Variants in NHEJ1 observed in about 807,000 individuals in gnomAD.
NHEJ1 encodes the protein non-homologous end joining factor 1.
NHEJ1 carries 22 observed loss-of-function variants against 39.4 expected under a neutral mutation model. That is an observed-to-expected ratio of 0.56 (90% CI 0.40 to 0.80). The LOEUF (loss-of-function observed/expected upper bound fraction) is 0.80. Among genes scored for constraint, NHEJ1 ranks in the 30% least tolerant of loss-of-function variants. NHEJ1 has a pLI of 0.00. For missense variants in NHEJ1, 329 were observed against 357.1 expected (o/e 0.92, Z 0.63); for synonymous variants, 154 against 135.6 (o/e 1.14, Z -0.94).
At position 219,073,059 on chromosome 2, in the gene NHEJ1, G is replaced by A. The variant is rs931310142; in HGVS notation, c.*3322C>T. 1.3e-5 allele frequency among the ~76,000 whole-genome samples: 2 copies of A among 152,122 alleles called. No homozygotes were observed. The highest frequency in any genetic ancestry group is 2.9e-5 in the Non-Finnish European group (2 of 68,016). On this transcript the variant is annotated 3_prime_UTR_variant, in exon 8 of 8. Transcript: ENST00000356853. ...AAAGAAAAGGGAGTCCAAATGTACC[G>A]CTGGATAAAAACGAGCAGCAGTAGG...
At position 219,069,792 on chromosome 2, in the gene NHEJ1, G is replaced by T. The variant is rs1186748087; in HGVS notation, c.*6589C>A. ...GAGAATGGGCTATATTGCTGACCAG[G>T]AAGGGAGATATAGGAAGCCTATAAA... On this transcript the variant is annotated 3_prime_UTR_variant, in exon 8 of 8. Transcript: ENST00000356853. The T allele has an allele frequency of 3.3e-5, 5 of 152,234 alleles. No individual in the cohort carries two copies. The highest frequency in any genetic ancestry group is 7.3e-5 in the Non-Finnish European group (5 of 68,038). The allele number at this position is 152,234 out of a possible 1,614,324, so 9.4% of individuals were successfully genotyped here.
rs1173572492 is a variant in NHEJ1, at chr2:219,123,074, G to C, written c.588+23606C>G. ...GAATCCCCAATTCTCAAGCTTTGGA[G>C]AAGTTAGGATGTAGAGGCTAAATCA... On this transcript the variant is annotated intron_variant, in intron 5 of 7. Coordinates refer to ENST00000356853, the MANE Select transcript of NHEJ1 (RefSeq NM_024782.3). 3.3e-5 allele frequency among the ~76,000 whole-genome samples: 5 copies of C among 152,206 alleles called. No homozygotes were observed. The South Asian group carries it at 8.3e-4, about 25-fold the overall frequency.
intron 5 of NHEJ1, among the ~76,000 whole-genome samples, chr2:219,084,918 C>T (rs1395146712): frequency 6.6e-6 from 1 of 152,228 alleles, no homozygotes; most frequent in East Asian, 1.9e-4. Flanking sequence ...AAACAGCTTG[C>T]TTCCAACAAC....
chr2:219,132,211 T>C (rs978887558), intron 5 of NHEJ1, among the ~76,000 whole-genome samples: 2 of 152,254 alleles, frequency 1.3e-5, no homozygotes, highest in African/African-American at 2.4e-5. Flanking sequence ...AATGTATTTA[T>C]AAACTGTTGG....
chr2:219,087,200 T>G (rs922897678), intron 5 of NHEJ1, among the ~76,000 whole-genome samples: 1 of 152,164 alleles, frequency 6.6e-6, no homozygotes, highest in Non-Finnish European at 1.5e-5. Context: ...CTCTCTCAAA[T>G]TCAGCCACCT....
Position 219,127,674 on chromosome 2 carries a change from C to A in NHEJ1, c.588+19006G>T, listed in dbSNP as rs190843974. Among the ~76,000 whole-genome samples, 32 of 152,354 alleles carry A rather than the reference C, an allele frequency of 2.1e-4. No individual in the cohort carries two copies. The East Asian group carries it at 6.2e-3, about 29-fold the overall frequency. On this transcript the variant is annotated intron_variant, in intron 5 of 7. Transcript: ENST00000356853. ...AGAAGACCAAGATATGCTGACCAAA[C>A]AGGTGATCAATCTGAAAGGCCTCAT...
Position 219,132,796 on chromosome 2 carries a change from T to C in NHEJ1, c.588+13884A>G, listed in dbSNP as rs150343698. Among the ~76,000 whole-genome samples, 185 of 152,282 alleles carry C rather than the reference T, an allele frequency of 1.2e-3. 1 individual carries two copies. Among genetic ancestry groups the C allele is most frequent in the Admixed American group, 0.01 (160 of 15,288 alleles). On this transcript the variant is annotated intron_variant, in intron 5 of 7. Transcript: ENST00000356853. ...CTATGAACCCCAGATCCCATCCAAA[T>C]GAATCCATTTCTTCCTCCTCTCAGG...
chr2:219,117,713 C>G (rs773132274), intron 5 of NHEJ1, among the ~76,000 whole-genome samples: 6 of 152,252 alleles, frequency 3.9e-5, no homozygotes, highest in Non-Finnish European at 8.8e-5. Context: ...TTCAATTCAG[C>G]TGACTGGGTC....
intron 5 of NHEJ1, among the ~76,000 whole-genome samples, chr2:219,141,393 A>AG (rs1208088282): frequency 2.1e-5 from 3 of 145,070 alleles, no homozygotes; most frequent in East Asian, 4.0e-4. Flanking sequence ...AAAAAAAAGC[A>AG]GGGGGGGAGT....
At chr2:219,121,205 T>TAA (rs559046266) in intron 5 of NHEJ1, among the ~76,000 whole-genome samples, 1 of 134,386 alleles carries the variant, frequency 7.4e-6, no homozygotes, top group Non-Finnish European at 1.6e-5. Context: ...AAACTCTGTC[T>TAA]AAAAAAAAAA....
intron 5 of NHEJ1, among the ~76,000 whole-genome samples, chr2:219,121,145 G>T (rs1949467546): frequency 6.6e-6 from 1 of 151,988 alleles, no homozygotes; most frequent in South Asian, 2.1e-4. Flanking sequence ...GGCTGAGGTT[G>T]CAGTGAGCCA....
At chr2:219,114,700 A>G (rs892367919) in intron 5 of NHEJ1, among the ~76,000 whole-genome samples, 1 of 152,216 alleles carries the variant, frequency 6.6e-6, no homozygotes, top group African/African-American at 2.4e-5. Context: ...CCTGGAGACC[A>G]GTGCCCATCT....
chr2:219,100,052 G>A (rs1949242588), intron 5 of NHEJ1, among the ~76,000 whole-genome samples: 1 of 152,078 alleles, frequency 6.6e-6, no homozygotes, highest in Non-Finnish European at 1.5e-5. Context: ...GGAGAAGAAG[G>A]AAGCCTTCGG....
intron 5 of NHEJ1, among the ~76,000 whole-genome samples, chr2:219,135,043 T>TAAA (rs59843524): frequency 8.3e-4 from 92 of 110,428 alleles, no homozygotes; most frequent in African/African-American, 2.4e-3. Flanking sequence ...CCGTCTCAAT[T>TAAA]AAAAAAAAAA....
chr2:219,080,550 A>T (rs961629969), intron 5 of NHEJ1, among the ~76,000 whole-genome samples: 10,264 of 136,288 alleles, frequency 0.075, 575 homozygotes, highest in Non-Finnish European at 0.093. Flanking sequence ...AATAAATAAA[A>T]ATATATATAT....
Position 219,118,027 on chromosome 2 carries a change from C to G in NHEJ1, c.588+28653G>C, listed in dbSNP as rs79218436. 3.0e-3 allele frequency among the ~76,000 whole-genome samples: 463 copies of G among 152,252 alleles called. 1 individual carries two copies. The highest frequency in any genetic ancestry group is 0.011 in the African/African-American group (445 of 41,544). ...TTTCCCCTTTATTCTATGCAGTTCC[C>G]TTTCTACACCAGATTCCACTGTTTG... On this transcript the variant is annotated intron_variant, in intron 5 of 7. Coordinates refer to ENST00000356853, the MANE Select transcript of NHEJ1 (RefSeq NM_024782.3).
At chr2:219,144,096 G>A (rs1949714093) in intron 5 of NHEJ1, among the ~76,000 whole-genome samples, 1 of 152,058 alleles carries the variant, frequency 6.6e-6, no homozygotes, top group South Asian at 2.1e-4. Context: ...AGCTACTCAG[G>A]AGGCTGAGGC....
chr2:219,114,602 C>A (rs534068033), intron 5 of NHEJ1, among the ~76,000 whole-genome samples: 1 of 152,256 alleles, frequency 6.6e-6, no homozygotes, highest in South Asian at 2.1e-4. Context: ...TGCTCTGATG[C>A]AGCCCAACAA....
intron 5 of NHEJ1, among the ~76,000 whole-genome samples, chr2:219,119,042 A>G (rs1027356390): frequency 6.6e-6 from 1 of 152,116 alleles, no homozygotes; most frequent in Admixed American, 6.5e-5. Flanking sequence ...ACCTCTAACA[A>G]ACCACTTTCC....
Sources: gnomAD v4.1 joint callset for allele counts (sites outside exome capture counted in the v4.1 genomes callset) on GRCh38, gnomAD v4.1.1 for gene constraint, MANE v1.5 for transcripts, NCBI Gene and HGNC (gene_info 2026-07-23, HGNC 2026-07-21) for gene names.